Variants in KLKB1 observed in about 807,000 individuals in gnomAD.
KLKB1 encodes plasma kallikrein.
KLKB1 carries 58 observed loss-of-function variants against 73.6 expected under a neutral mutation model. The observed-to-expected ratio is 0.79, with a 90% CI of 0.64 to 0.98. The LOEUF is 0.98. Ranked by LOEUF, KLKB1 falls within the 50% of genes least tolerant of loss-of-function variation. The pLI is 0.00. For synonymous variants in KLKB1, 280 were observed against 258.1 expected (o/e 1.08, Z -0.81); for missense variants, 737 against 763.8 (o/e 0.96, Z 0.41).
At chr4:186,256,142 C>A in intron 13 of KLKB1, 55 bp downstream of exon 13, 1 of 1,083,736 alleles carries the variant, frequency 9.2e-7, no homozygotes, top group Non-Finnish European at 1.4e-6. Context: ...TGTTGAAATA[C>A]ATGGAGTGGG....
chr4:186,242,337 T>A (rs1489691494), intron 6 of KLKB1, among the ~76,000 whole-genome samples: 1 of 152,158 alleles, frequency 6.6e-6, no homozygotes, highest in Non-Finnish European at 1.5e-5. Flanking sequence ...TGTCTTCTTA[T>A]ATTAATAAGA....
In KLKB1 at chr4:186,232,266, T is replaced by C. The variant is rs1737435689; in HGVS notation, c.198T>C (p.Ser66=). Reference sequence around the variant, plus strand: ...TGCTATTCAGTTTTCTTCCAGCAAGTTCAATCAATGACATGGAGAAAAGGT... The same window carrying C: ...TGCTATTCAGTTTTCTTCCAGCAAGCTCAATCAATGACATGGAGAAAAGGT... The part of the protein sequence containing the change: ...RCLLFSFLPA[S]SINDMEKRFG... Residue 66 remains serine, a synonymous_variant, in exon 3 of 15, where the codon AGT becomes AGC. Coordinates refer to ENST00000264690, the MANE Select transcript of KLKB1 (RefSeq NM_000892.5). 1 of 1,614,046 alleles carries C rather than the reference T, an allele frequency of 6.2e-7. No individual in the cohort carries two copies. The highest frequency in any genetic ancestry group is 1.3e-5 in the African/African-American group (1 of 74,930).
At chr4:186,241,733 T>TA (rs1738063757) in intron 6 of KLKB1, among the ~76,000 whole-genome samples, 1 of 152,214 alleles carries the variant, frequency 6.6e-6, no homozygotes, top group African/African-American at 2.4e-5. Flanking sequence ...GAAAGTCTGA[T>TA]AAACGAAGCT....
In KLKB1 at chr4:186,229,940, G is replaced by GT. The variant is rs932761631; in HGVS notation, c.58+1697dup. 2.6e-4 allele frequency among the ~76,000 whole-genome samples: 39 copies of GT among 149,624 alleles called. 1 individual carries two copies. The highest frequency in any genetic ancestry group is 4.7e-4 in the Admixed American group (7 of 14,958). On this transcript the variant is annotated intron_variant, in intron 2 of 14. Coordinates refer to ENST00000264690, the MANE Select transcript of KLKB1 (RefSeq NM_000892.5). ...AGACATCTAGAAATAAGACTCTTAT[G>GT]TTTTTTTTTTCCAATTTGACTTGAA...
intron 6 of KLKB1, among the ~76,000 whole-genome samples, chr4:186,243,404 G>C (rs1738159053): frequency 6.6e-6 from 1 of 152,146 alleles, no homozygotes; most frequent in Non-Finnish European, 1.5e-5. Context: ...AGATTGATAG[G>C]TGGAAGTTTC....
chr4:186,247,450 G>C (rs1006985551), intron 6 of KLKB1, among the ~76,000 whole-genome samples: 1 of 152,158 alleles, frequency 6.6e-6, no homozygotes, highest in Non-Finnish European at 1.5e-5. Context: ...GAGCTTCTGA[G>C]CCAGGAGAAG....
chr4:186,239,490 G>A (rs1737896158), intron 6 of KLKB1, among the ~76,000 whole-genome samples: 1 of 141,808 alleles, frequency 7.1e-6, no homozygotes, highest in Non-Finnish European at 1.5e-5. Flanking sequence ...AACTAGTACA[G>A]TGATACTGTT....
Position 186,233,972 on chromosome 4 carries a change from A to T in KLKB1, c.242A>T (p.Asp81Val). The change falls in exon 4 of 15, where the codon GAT (aspartate) becomes GTT (valine). Residue 81 changes from aspartate to valine, a missense_variant. By Grantham distance (152) the Asp-to-Val change is radical (BLOSUM62 -3). Transcript: ENST00000264690. ...MEKRFGCFLKDSVTGTLPKVH... is the reference protein window; with the variant it reads ...MEKRFGCFLKVSVTGTLPKVH... ...AATAGGTTTGGTTGCTTCTTGAAAG[A>T]TAGTGTTACAGGAACCCTGCCAAAA... The T allele has an allele frequency of 6.2e-7, 1 of 1,613,842 alleles. No homozygotes were observed. Among genetic ancestry groups the T allele is most frequent in the South Asian group, 1.1e-5 (1 of 91,082 alleles).
At chr4:186,242,191 A>G (rs1738090828) in intron 6 of KLKB1, among the ~76,000 whole-genome samples, 1 of 152,152 alleles carries the variant, frequency 6.6e-6, no homozygotes, top group Admixed American at 6.5e-5. Flanking sequence ...CTTCTGAGCC[A>G]GGAGAAGGAA....
chr4:186,248,940 T>A (rs1738528070), intron 6 of KLKB1, among the ~76,000 whole-genome samples: 1 of 152,232 alleles, frequency 6.6e-6, no homozygotes, highest in Non-Finnish European at 1.5e-5. Flanking sequence ...TGTGTATCTT[T>A]TCGTGTGCTC....
intron 6 of KLKB1, among the ~76,000 whole-genome samples, chr4:186,248,288 G>A (rs945641184): frequency 1.3e-5 from 2 of 151,724 alleles, no homozygotes; most frequent in African/African-American, 4.8e-5. Context: ...AAAAAAGAAA[G>A]GCTGTCTTTC....
chr4:186,256,025 G>A lies in KLKB1; in HGVS notation c.1523G>A (p.Gly508Asp). 2 of 1,613,052 alleles carry A rather than the reference G, an allele frequency of 1.2e-6. No individual in the cohort carries two copies. The highest frequency in any genetic ancestry group is 2.2e-5 in the East Asian group (1 of 44,852). Residue 508 changes from glycine to aspartate, a missense_variant, in exon 13 of 15, where the codon GGT becomes GAT. Transcript: ENST00000264690. ...AAACCAATATGCCTACCTTCCAAAG[G>A]TGACACAAGCACAATTTATACCAAC... is the stretch of plus-strand genomic sequence containing the variant. ...FQKPICLPSKGDTSTIYTNCW... is the reference protein window; with the variant it reads ...FQKPICLPSKDDTSTIYTNCW...
chr4:186,250,183 A>AG, intron 6 of KLKB1, 60 bp from the exon 7 acceptor site: 2 of 1,482,694 alleles, frequency 1.3e-6, no homozygotes, highest in Admixed American at 1.7e-5. Flanking sequence ...GTGACAAAAT[A>AG]CAAGCAAATT....
At chr4:186,256,187 A>C in intron 13 of KLKB1, 100 bp downstream of exon 13, 5 of 747,284 alleles carry the variant, frequency 6.7e-6, no homozygotes, top group Non-Finnish European at 1.2e-5. Flanking sequence ...AATTATATCT[A>C]AACTCTTTAT....
At chr4:186,213,765 G>T (rs1024112447) in intron 2 of KLKB1, among the ~76,000 whole-genome samples, 3 of 152,180 alleles carry the variant, frequency 2.0e-5, no homozygotes, top group African/African-American at 7.2e-5. Flanking sequence ...CCCAATAAGA[G>T]ATGCTGGTCG....
chr4:186,252,023 C>A lies in KLKB1; in HGVS notation c.1151C>A (p.Thr384Lys). The change falls in exon 11 of 15, where the codon ACA becomes AAA. Residue 384 changes from threonine (T) to lysine (K), a missense_variant. Thr to Lys is a moderately conservative substitution (Grantham distance 78). Transcript: ENST00000264690. ...GTCAACGCTCTCTTTTCAGTCTGCA[C>A]AACAAAAACAAGCACACGCATTGTT... ...LCNTGDNSVC[T>K]TKTSTRIVGG... The A allele has an allele frequency of 6.2e-7, 1 of 1,614,184 alleles. No homozygotes were observed. The highest frequency in any genetic ancestry group is 1.1e-5 in the South Asian group (1 of 91,088).
chr4:186,245,075 T>C (rs1738257669), intron 6 of KLKB1, among the ~76,000 whole-genome samples: 1 of 152,100 alleles, frequency 6.6e-6, no homozygotes, highest in Non-Finnish European at 1.5e-5. Flanking sequence ...TGAGTTAAAA[T>C]GCCTCGACCT....
chr4:186,251,893 A>G, intron 10 of KLKB1, 32 bp downstream of exon 10: 2 of 1,599,518 alleles, frequency 1.3e-6, no homozygotes, highest in Non-Finnish European at 1.7e-6. Context: ...TGGACCTGTC[A>G]GGGATGTCTG....
chr4:186,233,127 C>G (rs1277217534), intron 3 of KLKB1, among the ~76,000 whole-genome samples: 3 of 152,168 alleles, frequency 2.0e-5, no homozygotes, highest in Admixed American at 1.3e-4. Context: ...ATTGGCCAGG[C>G]TGGCCTTGAA....
Sources: gnomAD v4.1 joint callset for allele counts (sites outside exome capture counted in the v4.1 genomes callset) on GRCh38, gnomAD v4.1.1 for gene constraint, MANE v1.5 for transcripts, NCBI Gene and HGNC (gene_info 2026-07-23, HGNC 2026-07-21) for gene names.